Variants in ERC2 observed in about 807,000 individuals in gnomAD.
ERC2 encodes ELKS/RAB6-interacting/CAST family member 2.
ERC2 carries 42 observed loss-of-function variants against 114.8 expected under a neutral mutation model. The ratio of observed to expected loss-of-function variants is 0.37; its 90% CI spans 0.29 to 0.47. The LOEUF is 0.47. Ranked by LOEUF, ERC2 falls within the 20% of genes least tolerant of loss-of-function variation. ERC2 has a pLI of 0.99. For synonymous variants in ERC2, 454 were observed against 425.5 expected (o/e 1.07, Z -0.82); for missense variants, 939 against 1,150.7 (o/e 0.82, Z 2.66).
At chr3:56,161,841 G>C (rs913045366) in intron 4 of ERC2, among the ~76,000 whole-genome samples, 9 of 152,052 alleles carry the variant, frequency 5.9e-5, no homozygotes, top group African/African-American at 2.2e-4. Context: ...AAGAGATATA[G>C]CTTGACTTCT....
intron 6 of ERC2, among the ~76,000 whole-genome samples, chr3:56,115,475 G>T (rs994795432): frequency 1.3e-5 from 2 of 152,054 alleles, no homozygotes; most frequent in Non-Finnish European, 2.9e-5. Context: ...GTTGAAAAGG[G>T]CTTATCACAG....
At chr3:55,583,626 C>T (rs946121209) in intron 17 of ERC2, among the ~76,000 whole-genome samples, 2 of 148,622 alleles carry the variant, frequency 1.3e-5, no homozygotes, top group Non-Finnish European at 3.0e-5. Flanking sequence ...ACGGTATCAG[C>T]TTCCCTATTA....
chr3:56,299,027 T>C (rs1225405674), intron 2 of ERC2, among the ~76,000 whole-genome samples: 3 of 151,988 alleles, frequency 2.0e-5, no homozygotes, highest in Non-Finnish European at 4.4e-5. Context: ...GAAAGAGTGC[T>C]TTGGCAACTG....
At chr3:55,575,566 A>C (rs1435958640) in intron 17 of ERC2, among the ~76,000 whole-genome samples, 1 of 152,182 alleles carries the variant, frequency 6.6e-6, no homozygotes, top group Non-Finnish European at 1.5e-5. Context: ...TTTGGAGTGG[A>C]TGTATGAAAA....
chr3:56,023,924 G>T (rs2073892402), intron 7 of ERC2, among the ~76,000 whole-genome samples: 1 of 152,166 alleles, frequency 6.6e-6, no homozygotes, highest in African/African-American at 2.4e-5. Flanking sequence ...AAGTGATGGA[G>T]AAAGTCTATA....
intron 3 of ERC2, among the ~76,000 whole-genome samples, chr3:56,175,257 G>T (rs1221455636): frequency 6.6e-6 from 1 of 152,192 alleles, no homozygotes; most frequent in Non-Finnish European, 1.5e-5. Context: ...GCACAAATCA[G>T]CAACCCTGTA....
intron 12 of ERC2, among the ~76,000 whole-genome samples, chr3:55,956,414 G>T (rs113410511): frequency 8.7e-4 from 132 of 150,886 alleles, no homozygotes; most frequent in African/African-American, 3.1e-3. Flanking sequence ...AATAATAGAA[G>T]CTTTTACTTG....
At position 56,071,596 on chromosome 3, in the gene ERC2, C is replaced by T. The variant is rs564074193; in HGVS notation, c.1641+9221G>A. Reference sequence around the variant, plus strand: ...AAAATGGAGCTATGTGAAGACAGTGCCTGTAGATGCTGAATGAATGGATGA... The same window carrying T: ...AAAATGGAGCTATGTGAAGACAGTGTCTGTAGATGCTGAATGAATGGATGA... On this transcript the variant is annotated intron_variant, in intron 7 of 17. Transcript: ENST00000288221. Among the ~76,000 whole-genome samples, 12 of 152,274 alleles carry T rather than the reference C, an allele frequency of 7.9e-5. No individual in the cohort carries two copies. In the South Asian group the frequency reaches 2.3e-3, roughly 29 times the overall value.
At chr3:56,425,732 G>A (rs930402611) in intron 2 of ERC2, among the ~76,000 whole-genome samples, 4 of 152,084 alleles carry the variant, frequency 2.6e-5, no homozygotes, top group African/African-American at 7.2e-5. Flanking sequence ...GGGGTGGGGG[G>A]AGGTTATCAG....
At chr3:55,810,652 G>T (rs1310095286) in intron 14 of ERC2, among the ~76,000 whole-genome samples, 1 of 152,060 alleles carries the variant, frequency 6.6e-6, no homozygotes, top group African/African-American at 2.4e-5. Flanking sequence ...TAGAGACAGG[G>T]TTTCACCATG....
At chr3:56,355,880 A>G (rs2058729642) in intron 2 of ERC2, among the ~76,000 whole-genome samples, 2 of 152,192 alleles carry the variant, frequency 1.3e-5, no homozygotes, top group Admixed American at 1.3e-4. Flanking sequence ...CTGCTCCAGC[A>G]CCGTACTTTC....
chr3:55,976,998 C>T (rs1185427231), intron 12 of ERC2, among the ~76,000 whole-genome samples: 3 of 152,208 alleles, frequency 2.0e-5, no homozygotes, highest in Non-Finnish European at 4.4e-5. Context: ...CTTGTTCTCA[C>T]ACAGAGAGAA....
At chr3:56,414,794 G>C (rs1304302171) in intron 2 of ERC2, among the ~76,000 whole-genome samples, 3 of 151,600 alleles carry the variant, frequency 2.0e-5, no homozygotes. Flanking sequence ...CTCCCTCTCT[G>C]TCTCTCCCCC....
chr3:55,727,200 A>G (rs2064975034), intron 15 of ERC2, among the ~76,000 whole-genome samples: 1 of 152,216 alleles, frequency 6.6e-6, no homozygotes, highest in Non-Finnish European at 1.5e-5. Flanking sequence ...GCTCCAAGAC[A>G]CCAAAAAAGG....
chr3:55,784,152 T>C (rs958954101), intron 14 of ERC2, among the ~76,000 whole-genome samples: 1 of 152,138 alleles, frequency 6.6e-6, no homozygotes, highest in Non-Finnish European at 1.5e-5. Flanking sequence ...CAAAATTCTT[T>C]GTCTTTTGTT....
chr3:55,876,189 T>C (rs2062829859), intron 14 of ERC2, among the ~76,000 whole-genome samples: 1 of 152,174 alleles, frequency 6.6e-6, no homozygotes, highest in Admixed American at 6.5e-5. Context: ...TTGAAATAGC[T>C]CGTTCCAGTG....
At position 55,869,906 on chromosome 3, in the gene ERC2, C is replaced by T. The variant is rs6804314; in HGVS notation, c.2564+18483G>A. ...GGGAACCGACACTTTCACAGAGAGGCGAGAAGATTCTGCAGCATAGAGTGT... is the reference window on the plus strand; with the variant it reads ...GGGAACCGACACTTTCACAGAGAGGTGAGAAGATTCTGCAGCATAGAGTGT... On this transcript the variant is annotated intron_variant, in intron 14 of 17. Transcript: ENST00000288221. Among the ~76,000 whole-genome samples, 1,133 of 152,054 alleles carry T rather than the reference C, an allele frequency of 7.5e-3. 10 individuals are homozygous for T. The highest frequency in any genetic ancestry group is 0.025 in the African/African-American group (1,044 of 41,466).
chr3:55,989,535 G>A (rs1379722), intron 11 of ERC2, among the ~76,000 whole-genome samples: 41,114 of 152,134 alleles, frequency 0.27, 7,261 homozygotes, highest in Middle Eastern at 0.37. Context: ...CAGGAAGGCT[G>A]TATGCTGGCT....
chr3:55,623,014 C>A (rs2148602512), intron 17 of ERC2, among the ~76,000 whole-genome samples: 1 of 152,330 alleles, frequency 6.6e-6, no homozygotes, highest in Non-Finnish European at 1.5e-5. Context: ...AGGCTGGGAA[C>A]CAATGAGCTT....
Sources: allele counts gnomAD v4.1 joint callset (sites outside exome capture counted in the v4.1 genomes callset), GRCh38; gene constraint gnomAD v4.1.1; transcripts MANE v1.5; gene names NCBI Gene and HGNC (gene_info 2026-07-23, HGNC 2026-07-21).